The following NRG1 variants were observed in gnomAD, a reference collection of about 807,000 sequenced individuals.
NRG1 encodes the protein pro-neuregulin-1, membrane-bound isoform.
Under a neutral mutation model 63.8 loss-of-function variants are expected in NRG1, and 18 were observed. That is an observed-to-expected ratio of 0.28 (90% confidence interval 0.19 to 0.42). NRG1 has a LOEUF of 0.42. NRG1 is among the 10% of genes least tolerant of loss of function. The probability of loss-of-function intolerance (pLI) is 1.00; values close to 1 mark genes in which losing one functional copy is unlikely to be tolerated. For missense variants in NRG1, 762 were observed against 814.7 expected, an observed-to-expected ratio of 0.94 and a Z score of 0.79; for synonymous variants, 302 against 301.3, an observed-to-expected ratio of 1.00 and a Z score of -0.02.
At chr8:32,075,371 G>A (rs1826340463) in intron 1 of NRG1, among the ~76,000 whole-genome samples, 1 of 152,084 alleles carries the variant, frequency 6.6e-6, no homozygotes, top group East Asian at 1.9e-4. Context: ...AACATTACTT[G>A]AGTATTTATA....
chr8:31,933,137 T>C (rs1835000376), intron 1 of NRG1, among the ~76,000 whole-genome samples: 1 of 152,218 alleles, frequency 6.6e-6, no homozygotes, highest in Admixed American at 6.5e-5. Flanking sequence ...CATTCAATAG[T>C]CTAGCTTCTG....
At chr8:32,109,272 G>A (rs1378155408) in intron 1 of NRG1, among the ~76,000 whole-genome samples, 1 of 152,080 alleles carries the variant, frequency 6.6e-6, no homozygotes, top group African/African-American at 2.4e-5. Flanking sequence ...CCCAAGGTTC[G>A]CTGTTAGTAT....
intron 1 of NRG1, among the ~76,000 whole-genome samples, chr8:32,183,815 A>G (rs1384849753): frequency 1.3e-5 from 2 of 152,202 alleles, no homozygotes; most frequent in African/African-American, 4.8e-5. Flanking sequence ...TAGGCTCTGC[A>G]GCTCTTTAAT....
At chr8:32,421,496 T>C (rs1411665402) in intron 1 of NRG1, among the ~76,000 whole-genome samples, 2 of 152,174 alleles carry the variant, frequency 1.3e-5, no homozygotes, top group East Asian at 1.9e-4. Flanking sequence ...GAGGTCATGT[T>C]AATAAAGCCC....
At chr8:32,255,718 G>A (rs551354740) in intron 1 of NRG1, among the ~76,000 whole-genome samples, 73 of 152,246 alleles carry the variant, frequency 4.8e-4, no homozygotes, top group African/African-American at 1.7e-3. Flanking sequence ...TTATCTTTAT[G>A]GTGTTCTCTG....
chr8:32,011,897 C>A (rs904489843), intron 1 of NRG1, among the ~76,000 whole-genome samples: 2 of 152,066 alleles, frequency 1.3e-5, no homozygotes, highest in African/African-American at 4.8e-5. Context: ...TGGAATTAAA[C>A]CCTGACAGTC....
At chr8:31,768,475 A>G (rs929621086) in intron 1 of NRG1, among the ~76,000 whole-genome samples, 1 of 152,184 alleles carries the variant, frequency 6.6e-6, no homozygotes, top group African/African-American at 2.4e-5. Context: ...TTGGTGCATC[A>G]TCTGTGAAGA....
At chr8:31,961,584 C>T (rs145755818) in intron 1 of NRG1, among the ~76,000 whole-genome samples, 8 of 152,086 alleles carry the variant, frequency 5.3e-5, no homozygotes, top group Non-Finnish European at 7.4e-5. Flanking sequence ...AGGGTTGTAT[C>T]ACTTCTTTGA....
intron 1 of NRG1, among the ~76,000 whole-genome samples, chr8:32,140,957 C>T (rs11777596): frequency 0.036 from 5,458 of 152,028 alleles, 141 homozygotes; most frequent in Non-Finnish European, 0.053. Flanking sequence ...CTCTCTCTCT[C>T]GCTCACTCTC....
intron 1 of NRG1, among the ~76,000 whole-genome samples, chr8:32,324,361 A>G (rs1434486263): frequency 3.3e-5 from 5 of 152,194 alleles, no homozygotes; most frequent in African/African-American, 4.8e-5. Flanking sequence ...GTGCCTTAAA[A>G]TCACCATCCT....
rs1247262305 is a variant in NRG1, at chr8:32,548,637, G to A, written c.-90G>A. The A allele has an allele frequency of 5.5e-6, 8 of 1,463,006 alleles. No individual in the cohort carries two copies. The African/African-American group carries it at 1.2e-4, about 21-fold the overall frequency. 90.6% of individuals were successfully genotyped at this position (1,463,006 alleles called of 1,614,324 possible). Reference sequence around the variant, plus strand: ...CGGCCGCTCGCTCTCCCCCTCGAGGGACAAACTTTTCCCAAACCCGATCCG... The same window carrying A: ...CGGCCGCTCGCTCTCCCCCTCGAGGAACAAACTTTTCCCAAACCCGATCCG... On this transcript the variant is annotated 5_prime_UTR_variant, in exon 1 of 12. Coordinates refer to ENST00000356819, the Ensembl canonical transcript of NRG1.
chr8:31,956,498 C>G (rs919319266), intron 1 of NRG1, among the ~76,000 whole-genome samples: 1 of 152,022 alleles, frequency 6.6e-6, no homozygotes, highest in African/African-American at 2.4e-5. Flanking sequence ...CGGGTGCCCC[C>G]CTGTAGTCCC....
At chr8:32,258,546 G>A (rs989372730) in intron 1 of NRG1, among the ~76,000 whole-genome samples, 1 of 152,156 alleles carries the variant, frequency 6.6e-6, no homozygotes, top group Non-Finnish European at 1.5e-5. Context: ...AGTTCTGCAT[G>A]GCTAGGGAGG....
chr8:32,559,810 C>T (rs1835997527), intron 1 of NRG1, among the ~76,000 whole-genome samples: 1 of 140,478 alleles, frequency 7.1e-6, no homozygotes, highest in South Asian at 2.3e-4. Flanking sequence ...GCCTGGGCAA[C>T]ATGGCAAAAA....
downstream of NRG1, among the ~76,000 whole-genome samples, chr8:32,772,279 G>A (rs193207489): frequency 4.0e-5 from 6 of 151,010 alleles, no homozygotes; most frequent in South Asian, 4.2e-4. Context: ...AATAATTTAC[G>A]GATTTAGCCT....
At chr8:32,445,795 G>A (rs1029415914) in intron 1 of NRG1, among the ~76,000 whole-genome samples, 1 of 151,844 alleles carries the variant, frequency 6.6e-6, no homozygotes, top group Non-Finnish European at 1.5e-5. Context: ...CAGAAGTGAG[G>A]GTGTTTCATA....
intron 1 of NRG1, among the ~76,000 whole-genome samples, chr8:32,075,577 A>T (rs1465434105): frequency 6.6e-6 from 1 of 152,174 alleles, no homozygotes; most frequent in Non-Finnish European, 1.5e-5. Flanking sequence ...ATAATACCTA[A>T]TATAATGTGA....
chr8:32,608,716 T>A (rs1845779698), intron 3 of NRG1, among the ~76,000 whole-genome samples: 1 of 152,200 alleles, frequency 6.6e-6, no homozygotes, highest in Non-Finnish European at 1.5e-5. Flanking sequence ...CTTTTCTCTC[T>A]GGTGTTTCTA....
intron 1 of NRG1, among the ~76,000 whole-genome samples, chr8:31,743,299 G>A (rs1247316019): frequency 2.0e-5 from 3 of 151,882 alleles, no homozygotes; most frequent in Non-Finnish European, 4.4e-5. Context: ...GTTCTCCTTG[G>A]CTCTTATCAC....
Sources: allele counts gnomAD v4.1 joint callset (sites outside exome capture counted in the v4.1 genomes callset), GRCh38; gene constraint gnomAD v4.1.1; transcripts MANE v1.5; gene names NCBI Gene and HGNC (gene_info 2026-07-23, HGNC 2026-07-21).